Variants in UFL1 observed in about 807,000 individuals in gnomAD.
The protein encoded by UFL1 is E3 UFM1-protein ligase 1.
In UFL1, 78 loss-of-function variants were observed where a neutral mutation model predicts 99.3. The observed-to-expected ratio is 0.79, with a 90% CI of 0.65 to 0.95. The LOEUF (loss-of-function observed/expected upper bound fraction) is 0.95, where lower values mean the gene tolerates loss of function less well. Among genes scored for constraint, UFL1 ranks in the 40% least tolerant of loss-of-function variants. The probability of loss-of-function intolerance (pLI) is 0.00; values close to 1 mark genes in which losing one functional copy is unlikely to be tolerated. For missense variants in UFL1, 936 were observed against 937.0 expected, an observed-to-expected ratio of 1.00 and a Z score of 0.01; for synonymous variants, 335 against 322.2, an observed-to-expected ratio of 1.04 and a Z score of -0.42.
rs367975525 is a variant in UFL1, at chr6:96,537,512, A to T, written c.941A>T (p.Glu314Val). ...GTGGATCAAGTGGAAGCATCAGTAG[A>T]AGAAGCCATCAGCTCTGGAACATGG... ...GLVDQVEASV[E>V]EAISSGTWVD... The change falls in exon 9 of 19, where the codon GAA (glutamate) becomes GTA (valine). Residue 314 changes from glutamate to valine, a missense_variant. By Grantham distance (121) the Glu-to-Val change is moderately radical (BLOSUM62 -2). Coordinates refer to ENST00000369278, the MANE Select transcript of UFL1 (RefSeq NM_015323.5). 2.5e-4 allele frequency: 402 copies of T among 1,606,264 alleles called. No homozygotes were observed. The highest frequency in any genetic ancestry group is 3.3e-4 in the Middle Eastern group (2 of 6,016).
At chr6:96,540,433 C>A in intron 10 of UFL1, 102 bp from the exon 11 acceptor site, 3 of 1,397,026 alleles carry the variant, frequency 2.1e-6, no homozygotes, top group Non-Finnish European at 2.9e-6. Flanking sequence ...TAGTTCTAAG[C>A]AACAAAACCA....
rs994237730 is a variant in UFL1, at chr6:96,523,079, G to C, written c.78-67G>C. ...TTTTAAAAGCCTGTTTTCATACATTGTATTAATTTTATTGAGCGCCAATGT... is the reference window on the plus strand; with the variant it reads ...TTTTAAAAGCCTGTTTTCATACATTCTATTAATTTTATTGAGCGCCAATGT... On this transcript the variant is annotated intron_variant, in intron 1 of 18. Transcript: ENST00000369278. 7 of 1,463,592 alleles carry C rather than the reference G, an allele frequency of 4.8e-6. No homozygotes were observed. The African/African-American group carries it at 8.5e-5, about 18-fold the overall frequency. The allele number at this position is 1,463,592 out of a possible 1,614,324, so 90.7% of individuals were successfully genotyped here.
intron 10 of UFL1, among the ~76,000 whole-genome samples, chr6:96,539,529 G>A (rs2127951512): frequency 6.6e-6 from 1 of 151,718 alleles, no homozygotes; most frequent in East Asian, 1.9e-4. Context: ...TATTTAGCCT[G>A]ATAAGCAGCA....
chr6:96,525,443 C>CT (rs760709877), intron 4 of UFL1, 49 bp downstream of exon 4: 69 of 1,438,754 alleles, frequency 4.8e-5, no homozygotes, highest in Admixed American at 1.1e-4. Flanking sequence ...TATTTTCTTT[C>CT]TTTTTTTTAT....
chr6:96,548,837 G>A (rs1201510321), intron 13 of UFL1, among the ~76,000 whole-genome samples: 1 of 151,580 alleles, frequency 6.6e-6, no homozygotes, highest in Non-Finnish European at 1.5e-5. Flanking sequence ...TAGTTTCACT[G>A]TGTACGCTTT....
At chr6:96,544,237 C>T (rs1562255501) in intron 12 of UFL1, among the ~76,000 whole-genome samples, 1 of 150,970 alleles carries the variant, frequency 6.6e-6, no homozygotes, top group Non-Finnish European at 1.5e-5. Context: ...TAATTATATG[C>T]ATCTTTCTTT....
chr6:96,541,759 G>C (rs1430945103), intron 11 of UFL1, among the ~76,000 whole-genome samples: 1 of 151,032 alleles, frequency 6.6e-6, no homozygotes, highest in Admixed American at 6.6e-5. Flanking sequence ...AAAAGTTAAG[G>C]GTCATTTGGT....
At chr6:96,529,319 CCT>C (rs1298927702) in intron 6 of UFL1, among the ~76,000 whole-genome samples, 1 of 152,160 alleles carries the variant, frequency 6.6e-6, no homozygotes, top group African/African-American at 2.4e-5. Context: ...TTAAAACAAA[CCT>C]CTCTGAACCC....
intron 8 of UFL1, 83 bp from the exon 9 acceptor site, chr6:96,537,291 G>C (rs149852517): frequency 8.0e-7 from 1 of 1,248,416 alleles, no homozygotes; most frequent in African/African-American, 1.6e-5. Flanking sequence ...AACTTTATTG[G>C]CTATAACTTT....
chr6:96,524,443 C>T, intron 3 of UFL1, 33 bp downstream of exon 3: 4 of 1,528,970 alleles, frequency 2.6e-6, no homozygotes, highest in African/African-American at 1.4e-5. Context: ...TTTTGCTTTA[C>T]TTTCTCAATT....
intron 6 of UFL1, among the ~76,000 whole-genome samples, chr6:96,531,399 A>G (rs951222905): frequency 1.9e-4 from 29 of 152,132 alleles, no homozygotes; most frequent in Non-Finnish European, 1.0e-4. Context: ...AGCTTTGTTC[A>G]CTGACTAAGA....
intron 11 of UFL1, 71 bp from the exon 12 acceptor site, chr6:96,542,823 A>G (rs187819076): frequency 7.1e-7 from 1 of 1,398,798 alleles, no homozygotes; most frequent in East Asian, 2.8e-5. Context: ...AAATACAACA[A>G]TATAGTGTCA....
intron 13 of UFL1, among the ~76,000 whole-genome samples, chr6:96,548,540 C>T (rs1434177921): frequency 6.6e-6 from 1 of 151,596 alleles, no homozygotes; most frequent in Non-Finnish European, 1.5e-5. Context: ...ACCCATCTTA[C>T]AGTCATAGGT....
chr6:96,525,978 C>G (rs2127948770), intron 4 of UFL1, among the ~76,000 whole-genome samples: 1 of 151,722 alleles, frequency 6.6e-6, no homozygotes, highest in South Asian at 2.1e-4. Context: ...CCCAGCTACT[C>G]AGGAGGCTGA....
rs1188035067 is a variant in UFL1 at position 96,535,224 on chromosome 6, T to A, written c.655+903T>A. Among the ~76,000 whole-genome samples the A allele has an allele frequency of 3.3e-5, 5 of 151,994 alleles. No homozygotes were observed. In the East Asian group the frequency reaches 9.6e-4, roughly 29 times the overall value. ...TTACTCAGCATTGCAATTTTAAAAT[T>A]CATGCACAAACTAATTTTTATTTCC... On this transcript the variant is annotated intron_variant, in intron 7 of 18. Transcript: ENST00000369278.
intron 5 of UFL1, among the ~76,000 whole-genome samples, chr6:96,526,915 C>G (rs2127948987): frequency 6.6e-6 from 1 of 152,246 alleles, no homozygotes; most frequent in East Asian, 1.9e-4. Flanking sequence ...TACAGAACAT[C>G]CTGCCAACAA....
In UFL1 at chr6:96,537,523, A is replaced by G; in HGVS notation, c.952A>G (p.Ser318Gly). 1 of 1,601,858 alleles carries G rather than the reference A, an allele frequency of 6.2e-7. No individual in the cohort carries two copies. Residue 318 changes from serine to glycine, a missense_variant, in exon 9 of 19, where the codon AGC becomes GGC. By Grantham distance (56) the Ser-to-Gly change is moderately conservative (BLOSUM62 0). Transcript: ENST00000369278. ...GGAAGCATCAGTAGAAGAAGCCATC[A>G]GCTCTGGAACATGGGTTGATATTGC... ...QVEASVEEAISSGTWVDIAPL... is the reference protein window; with the variant it reads ...QVEASVEEAIGSGTWVDIAPL...
At chr6:96,535,175 C>T (rs548055159) in intron 7 of UFL1, among the ~76,000 whole-genome samples, 2 of 151,772 alleles carry the variant, frequency 1.3e-5, no homozygotes, top group Admixed American at 6.6e-5. Flanking sequence ...TTGAGAAATC[C>T]GGACTTTTTT....
intron 7 of UFL1, among the ~76,000 whole-genome samples, 183 bp downstream of exon 7, chr6:96,534,504 T>A (rs1362271162): frequency 6.6e-6 from 1 of 151,736 alleles, no homozygotes; most frequent in African/African-American, 2.4e-5. Flanking sequence ...CACCAAACGT[T>A]TAATATTGGT....
Sources: gnomAD v4.1 joint callset for allele counts (sites outside exome capture counted in the v4.1 genomes callset) on GRCh38, gnomAD v4.1.1 for gene constraint, MANE v1.5 for transcripts, NCBI Gene and HGNC (gene_info 2026-07-23, HGNC 2026-07-21) for gene names.